C2CD3: variants seen among roughly 807,000 people sequenced by gnomAD.
The protein encoded by C2CD3 is C2 domain containing 3 centriole elongation regulator.
In C2CD3, 148 loss-of-function variants were observed where a neutral mutation model predicts 234.0. The observed-to-expected ratio is 0.63, with a 90% CI of 0.55 to 0.72. The LOEUF is 0.72. C2CD3 is among the 30% of genes least tolerant of loss of function. The pLI is 0.00. For missense variants in C2CD3, 2,577 were observed against 2,811.5 expected (o/e 0.92, Z 1.89); for synonymous variants, 1,000 against 1,035.4 (o/e 0.97, Z 0.66).
chr11:74,050,710 T>TGAA (rs1246393900), intron 26 of C2CD3, among the ~76,000 whole-genome samples: 133 of 152,076 alleles, frequency 8.7e-4, no homozygotes, highest in African/African-American at 3.1e-3. Context: ...GCATAACATT[T>TGAA]GTTTGGACAG....
Position 74,042,222 on chromosome 11 carries a change from T to TAA in C2CD3, c.5496-5_5496-4insTT. On this transcript the variant is annotated splice_polypyrimidine_tract_variant and splice_region_variant and intron_variant, in intron 28 of 32. Transcript: ENST00000334126. ...TTGGCTTCTTGTGGTATCACTTCTGTCAAAAAAAAAAAAAAAAAAAGTAGG... is the reference window on the plus strand; with the variant it reads ...TTGGCTTCTTGTGGTATCACTTCTGTAACAAAAAAAAAAAAAAAAAAAGTAGG... 1.4e-6 allele frequency: 2 copies of TAA among 1,450,228 alleles called. No homozygotes were observed. The highest frequency in any genetic ancestry group is 1.4e-5 in the South Asian group (1 of 69,242). 89.8% of individuals were successfully genotyped at this position (1,450,228 alleles called of 1,614,324 possible).
At position 74,161,439 on chromosome 11, in the gene C2CD3, G is replaced by A; in HGVS notation, c.443C>T (p.Thr148Ile). 1 of 1,600,096 alleles carries A rather than the reference G, an allele frequency of 6.2e-7. No individual in the cohort carries two copies. The highest frequency in any genetic ancestry group is 8.5e-7 in the Non-Finnish European group (1 of 1,172,620). Residue 148 changes from threonine (T) to isoleucine (I), a missense_variant, in exon 3 of 33, where the codon ACC becomes ATC. By Grantham distance (89) the Thr-to-Ile change is moderately conservative (BLOSUM62 -1). Coordinates refer to ENST00000334126, the MANE Select transcript of C2CD3 (RefSeq NM_001286577.2). ...TTTCTTAGACGTTGATGAAACAATG[G>A]TAAAAAATCCATTGATTTGATGGGT... ...SPTHQINGFF[T>I]IVSSTSKKLG...
intron 9 of C2CD3, among the ~76,000 whole-genome samples, chr11:74,114,859 A>T (rs1956872431): frequency 6.6e-6 from 1 of 151,910 alleles, no homozygotes; most frequent in South Asian, 2.1e-4. Flanking sequence ...GGGTCATCAC[A>T]CTTGGCTAAT....
chr11:74,040,263 T>C (rs933953418), intron 29 of C2CD3, among the ~76,000 whole-genome samples: 1 of 152,272 alleles, frequency 6.6e-6, no homozygotes, highest in South Asian at 2.1e-4. Context: ...AACAGTTTCA[T>C]CTGGAAACCA....
At chr11:74,159,146 CTA>C (rs1856260641) in intron 3 of C2CD3, among the ~76,000 whole-genome samples, 1 of 152,150 alleles carries the variant, frequency 6.6e-6, no homozygotes, top group East Asian at 1.9e-4. Context: ...ATGCATTACT[CTA>C]TGTTTGTGGC....
chr11:74,146,650 C>T (rs1408876322), intron 3 of C2CD3, among the ~76,000 whole-genome samples: 1 of 151,556 alleles, frequency 6.6e-6, no homozygotes, highest in Non-Finnish European at 1.5e-5. Context: ...TTTGCAAAGA[C>T]AGATAACCAT....
At chr11:74,066,455 A>AG (rs58100461) in intron 24 of C2CD3, among the ~76,000 whole-genome samples, 174 of 151,412 alleles carry the variant, frequency 1.1e-3, no homozygotes, top group Admixed American at 6.5e-3. Context: ...AAAGAAAGAA[A>AG]AAAAAACATT....
At chr11:74,125,295 G>C (rs945195093) in intron 7 of C2CD3, among the ~76,000 whole-genome samples, 4 of 152,126 alleles carry the variant, frequency 2.6e-5, no homozygotes, top group Non-Finnish European at 4.4e-5. Flanking sequence ...CTCCCTAGTA[G>C]TAGCTAGGAT....
chr11:74,071,546 G>C (rs1202895543), intron 24 of C2CD3, among the ~76,000 whole-genome samples: 2 of 152,022 alleles, frequency 1.3e-5, no homozygotes, highest in Non-Finnish European at 2.9e-5. Context: ...TTTGAACTTC[G>C]GTCTCCTCAT....
At chr11:74,056,834 A>G (rs931685662) in intron 25 of C2CD3, among the ~76,000 whole-genome samples, 5 of 151,970 alleles carry the variant, frequency 3.3e-5, no homozygotes, top group African/African-American at 9.6e-5. Context: ...CTGAACTTCT[A>G]GGTTGTCCTA....
chr11:74,080,695 TCA>T (rs1265372550), intron 22 of C2CD3, among the ~76,000 whole-genome samples: 1 of 152,218 alleles, frequency 6.6e-6, no homozygotes, highest in African/African-American at 2.4e-5. Flanking sequence ...TAATTTTAAT[TCA>T]CAGAGATGTG....
At chr11:74,024,533 T>A (rs1488729058) in intron 32 of C2CD3, among the ~76,000 whole-genome samples, 6 of 152,190 alleles carry the variant, frequency 3.9e-5, no homozygotes, top group Non-Finnish European at 8.8e-5. Context: ...AGTGAGGCCT[T>A]TTTAATAAAG....
rs530080191 is a variant in C2CD3, at chr11:74,047,315, A to G, written c.5495+890T>C. Among the ~76,000 whole-genome samples, 7 of 152,382 alleles carry G rather than the reference A, an allele frequency of 4.6e-5. No individual in the cohort carries two copies. In the East Asian group the frequency reaches 9.6e-4, roughly 21 times the overall value. On this transcript the variant is annotated intron_variant, in intron 28 of 32. Coordinates refer to ENST00000334126, the MANE Select transcript of C2CD3 (RefSeq NM_001286577.2). ...TCTTTATGTGGACAAAAGGCAAGCCATTAACCTTTTAGCTTTTAAAATTAC... is the reference window on the plus strand; with the variant it reads ...TCTTTATGTGGACAAAAGGCAAGCCGTTAACCTTTTAGCTTTTAAAATTAC...
chr11:74,096,199 G>A (rs1956101039), intron 16 of C2CD3, among the ~76,000 whole-genome samples: 1 of 152,172 alleles, frequency 6.6e-6, no homozygotes, highest in African/African-American at 2.4e-5. Flanking sequence ...ACTCAACGTA[G>A]TCTGACTCCA....
At chr11:74,124,989 A>C (rs1289213231) in intron 7 of C2CD3, among the ~76,000 whole-genome samples, 1 of 152,192 alleles carries the variant, frequency 6.6e-6, no homozygotes, top group Non-Finnish European at 1.5e-5. Flanking sequence ...TCTCATGACT[A>C]TCCTTTTCTT....
chr11:74,078,834 T>C (rs139222379), intron 22 of C2CD3, 117 bp from the exon 23 acceptor site: 105 of 905,380 alleles, frequency 1.2e-4, no homozygotes, highest in Middle Eastern at 2.6e-4. Flanking sequence ...ACAGAAAACA[T>C]ACCCACAGTG....
At chr11:74,110,145 G>A (rs905807552) in intron 11 of C2CD3, among the ~76,000 whole-genome samples, 4 of 151,188 alleles carry the variant, frequency 2.6e-5, no homozygotes, top group Non-Finnish European at 5.9e-5. Context: ...AGAATCAAAG[G>A]ATATAAGTTT....
chr11:74,047,883 T>C (rs1953464014), intron 28 of C2CD3, among the ~76,000 whole-genome samples: 1 of 152,132 alleles, frequency 6.6e-6, no homozygotes, highest in African/African-American at 2.4e-5. Flanking sequence ...TGGCACATAG[T>C]TTTAGCAGGG....
rs34448930 is a variant in C2CD3 at position 74,093,908 on chromosome 11, T to C, written c.3252A>G (p.Pro1084=). 3,650 of 1,614,092 alleles carry C rather than the reference T, an allele frequency of 2.3e-3. 79 individuals carry two copies. In the African/African-American group the frequency reaches 0.044, roughly 19 times the overall value. ...GGAGCCTTTGCACTGGAACCTCAGC[T>C]GGCAACAGGAGAGAGTGATGGTGTT... The part of the protein sequence containing the change: ...NSEHHHSLLL[P]AEVPVQRLLL... The change falls in exon 18 of 33, where the codon CCA becomes CCG. Residue 1084 remains proline (P), a synonymous_variant. Transcript: ENST00000334126.
Sources: gnomAD v4.1 joint callset for allele counts (sites outside exome capture counted in the v4.1 genomes callset) on GRCh38, gnomAD v4.1.1 for gene constraint, MANE v1.5 for transcripts, NCBI Gene and HGNC (gene_info 2026-07-23, HGNC 2026-07-21) for gene names.